UTP25: variants seen among roughly 807,000 people sequenced by gnomAD.
The protein encoded by UTP25 is U3 small nucleolar RNA-associated protein 25 homolog.
UTP25 carries 50 observed loss-of-function variants against 78.9 expected under a neutral mutation model. The observed-to-expected ratio is 0.63, with a 90% confidence interval of 0.50 to 0.80. The LOEUF is 0.80. Ranked by LOEUF, UTP25 falls within the 30% of genes least tolerant of loss-of-function variation. The pLI is 0.00. For synonymous variants in UTP25, 329 were observed against 336.5 expected (o/e 0.98, Z 0.24); for missense variants, 846 against 911.3 (o/e 0.93, Z 0.92).
At chr1:209,831,772 A>T (rs1453713805) in intron 3 of UTP25, among the ~76,000 whole-genome samples, 1 of 152,156 alleles carries the variant, frequency 6.6e-6, no homozygotes, top group East Asian at 1.9e-4. Context: ...GTCACTGTAG[A>T]TTAGTTTTGC....
chr1:209,834,332 T>A (rs2078120093), intron 4 of UTP25, among the ~76,000 whole-genome samples: 1 of 152,244 alleles, frequency 6.6e-6, no homozygotes, highest in South Asian at 2.1e-4. Context: ...AACTTTGTTC[T>A]GTTTCTTATG....
Position 209,828,049 on chromosome 1 carries a change from CTT to C in UTP25, c.-14_-13del, listed in dbSNP as rs772153986. 2 of 1,610,832 alleles carry C rather than the reference CTT, an allele frequency of 1.2e-6. No individual in the cohort carries two copies. Among genetic ancestry groups the C allele is most frequent in the East Asian group, 2.2e-5 (1 of 44,850 alleles). ...ACCGCGACTCTTGCAAGTGGGCAAA[CTT>C]GACGTTTTCGCTATGGGCAAACGCG... On this transcript the variant is annotated 5_prime_UTR_variant, in exon 1 of 12. Coordinates refer to ENST00000491415, the MANE Select transcript of UTP25 (RefSeq NM_014388.7).
In UTP25 at chr1:209,851,456, TG is replaced by T. The variant is rs777280968; in HGVS notation, c.*12del. On this transcript the variant is annotated 3_prime_UTR_variant, in exon 12 of 12. Coordinates refer to ENST00000491415, the MANE Select transcript of UTP25 (RefSeq NM_014388.7). Reference sequence around the variant, plus strand: ...TTACTGGAGAAAAATGAAATTTTGTTGGGCAGGAAGTGGTATTTGGCATGAT... The same window carrying T: ...TTACTGGAGAAAAATGAAATTTTGTTGGCAGGAAGTGGTATTTGGCATGAT... 6.3e-7 allele frequency: 1 copy of T among 1,599,392 alleles called. No homozygotes were observed. Among genetic ancestry groups the T allele is most frequent in the South Asian group, 1.1e-5 (1 of 88,880 alleles).
chr1:209,842,816 T>C, intron 10 of UTP25, 121 bp downstream of exon 10: 1 of 685,502 alleles, frequency 1.5e-6, no homozygotes, highest in African/African-American at 1.8e-5. Context: ...GTTGAGATAA[T>C]TGAACTTAAT....
chr1:209,847,714 G>C (rs1388385586), intron 11 of UTP25, among the ~76,000 whole-genome samples: 2 of 152,072 alleles, frequency 1.3e-5, no homozygotes, highest in African/African-American at 4.8e-5. Context: ...TCTCAATTGG[G>C]GAACAATTTT....
At chr1:209,830,042 CA>C in intron 1 of UTP25, 65 bp from the exon 2 acceptor site, 2 of 1,393,374 alleles carry the variant, frequency 1.4e-6, no homozygotes, top group Non-Finnish European at 1.0e-6. Flanking sequence ...TTTAACATCT[CA>C]TTTGACCTTT....
intron 2 of UTP25, 76 bp from the exon 3 acceptor site, chr1:209,830,727 T>C (rs2078098428): frequency 1.3e-6 from 2 of 1,528,154 alleles, no homozygotes; most frequent in Admixed American, 2.1e-5. Flanking sequence ...TGAATAGATG[T>C]TGGCTTGATG....
intron 7 of UTP25, among the ~76,000 whole-genome samples, chr1:209,839,522 A>G (rs2078154355): frequency 6.6e-6 from 1 of 152,212 alleles, no homozygotes; most frequent in Admixed American, 6.5e-5. Flanking sequence ...CTGTCTCTAC[A>G]TAAAGGTGGA....
At position 209,842,605 on chromosome 1, in the gene UTP25, T is replaced by C. The variant is rs759849571; in HGVS notation, c.1691T>C (p.Met564Thr). ...QGQVAVRNVP[M>T]TGSISHVLVQ... Reference sequence around the variant, plus strand: ...CAGGTGGCCGTGAGGAATGTCCCAATGACAGGCTCTATCAGTCATGTCCTG... The same window carrying C: ...CAGGTGGCCGTGAGGAATGTCCCAACGACAGGCTCTATCAGTCATGTCCTG... The change falls in exon 10 of 12, where the codon ATG (methionine) becomes ACG (threonine). Residue 564 changes from methionine (M) to threonine (T), a missense_variant. Transcript: ENST00000491415. 1.7e-5 allele frequency: 27 copies of C among 1,613,804 alleles called. No homozygotes were observed. In the Admixed American group the frequency reaches 4.5e-4, roughly 27 times the overall value.
chr1:209,848,853 C>T (rs183214466), intron 11 of UTP25, among the ~76,000 whole-genome samples: 4 of 152,276 alleles, frequency 2.6e-5, no homozygotes, highest in African/African-American at 4.8e-5. Context: ...TACTTATGTC[C>T]GGCCGCACCC....
In UTP25 at chr1:209,851,192, C is replaced by T. The variant is rs1183330673; in HGVS notation, c.2028-12C>T. 6.2e-7 allele frequency: 1 copy of T among 1,603,512 alleles called. No individual in the cohort carries two copies. Among genetic ancestry groups the T allele is most frequent in the South Asian group, 1.1e-5 (1 of 89,228 alleles). ...TCAAGTTGACATAGCTCTTTCTTTC[C>T]AATTCTGACAGGTATACAATAAAAG... is the stretch of plus-strand genomic sequence containing the variant. On this transcript the variant is annotated splice_polypyrimidine_tract_variant and intron_variant, in intron 11 of 11. Coordinates refer to ENST00000491415, the MANE Select transcript of UTP25 (RefSeq NM_014388.7).
chr1:209,838,495 G>A lies in UTP25; in HGVS notation c.1063-414G>A, dbSNP rs142226179. On this transcript the variant is annotated intron_variant, in intron 6 of 11. Coordinates refer to ENST00000491415, the MANE Select transcript of UTP25 (RefSeq NM_014388.7). Reference sequence around the variant, plus strand: ...CTCTACTTGTTCCATTTATTTATTCGACATGTATTTATTCACTGTGTCTTT... The same window carrying A: ...CTCTACTTGTTCCATTTATTTATTCAACATGTATTTATTCACTGTGTCTTT... Among the ~76,000 whole-genome samples, 763 of 151,830 alleles carry A rather than the reference G, an allele frequency of 5.0e-3. 7 individuals carry two copies. Among genetic ancestry groups the A allele is most frequent in the African/African-American group, 0.018 (727 of 41,368 alleles).
At position 209,841,001 on chromosome 1, in the gene UTP25, T is replaced by G; in HGVS notation, c.1431T>G (p.Leu477=). The G allele has an allele frequency of 6.2e-7, 1 of 1,614,096 alleles. No homozygotes were observed. The highest frequency in any genetic ancestry group is 8.5e-7 in the Non-Finnish European group (1 of 1,179,958). Residue 477 remains leucine (L), a synonymous_variant, in exon 8 of 12, where the codon CTT becomes CTG. Transcript: ENST00000491415. ...TTGACTTTCTGTCTTCTATCGAGCT[T>G]CTCATCATTGATCAAGCTGACATTT... is the stretch of plus-strand genomic sequence containing the variant. The part of the protein sequence containing the change: ...RDFDFLSSIE[L]LIIDQADIYL...
Position 209,837,165 on chromosome 1 carries a change from T to A in UTP25, c.1016T>A (p.Val339Glu). The change falls in exon 6 of 12, where the codon GTG (valine) becomes GAG (glutamate). Residue 339 changes from valine to glutamate, a missense_variant. Val to Glu is a moderately radical substitution (Grantham distance 121, BLOSUM62 -2). Transcript: ENST00000491415. Reference protein sequence around the residue: ...NSRRRSQKFGVGDDDDFRDQG... With the variant: ...NSRRRSQKFGEGDDDDFRDQG... ...AGACGCCGAAGCCAGAAGTTTGGAG[T>A]GGGTGATGATGATGACTTCAGAGAC... 2 of 1,613,390 alleles carry A rather than the reference T, an allele frequency of 1.2e-6. No individual in the cohort carries two copies. Among genetic ancestry groups the A allele is most frequent in the Non-Finnish European group, 1.7e-6 (2 of 1,179,890 alleles).
chr1:209,838,876 A>G (rs757281285), intron 6 of UTP25, 33 bp from the exon 7 acceptor site: 2 of 1,607,866 alleles, frequency 1.2e-6, no homozygotes, highest in Non-Finnish European at 1.7e-6. Flanking sequence ...CCTTCCTCTT[A>G]CCCCACTAAG....
intron 1 of UTP25, among the ~76,000 whole-genome samples, chr1:209,828,431 G>T (rs1279979596): frequency 7.1e-6 from 1 of 140,940 alleles, no homozygotes; most frequent in Non-Finnish European, 1.5e-5. Flanking sequence ...ACGGTGTTTC[G>T]CTCTGTCGCC....
In UTP25 at chr1:209,851,412, A is replaced by C; in HGVS notation, c.2236A>C (p.Lys746Gln). Reference sequence around the variant, plus strand: ...GGCGGCACAGATGCTACAGTCCAACAAGAATGTCCACCTCTTCATTACTGG... The same window carrying C: ...GGCGGCACAGATGCTACAGTCCAACCAGAATGTCCACCTCTTCATTACTGG... ...ERAAQMLQSNKNVHLFITGEK is the reference protein window; with the variant it reads ...ERAAQMLQSNQNVHLFITGEK Residue 746 changes from lysine (K) to glutamine (Q), a missense_variant, in exon 12 of 12, where the codon AAG (lysine) becomes CAG (glutamine). Physicochemically the swap from Lys to Gln is moderately conservative, Grantham distance 53 (BLOSUM62 1). Transcript: ENST00000491415. 3 of 1,611,964 alleles carry C rather than the reference A, an allele frequency of 1.9e-6. No homozygotes were observed. The highest frequency in any genetic ancestry group is 2.5e-6 in the Non-Finnish European group (3 of 1,179,460).
rs138648804 is a variant in UTP25, at chr1:209,843,489, G to A, written c.1820G>A (p.Arg607His). 347 of 1,614,086 alleles carry A rather than the reference G, an allele frequency of 2.1e-4. 7 individuals are homozygous for A. The highest frequency in any genetic ancestry group is 1.4e-3 in the South Asian group (125 of 91,082). ...GTGAACAAGATTTTGCCACAGTATC[G>A]TGATGCAGTCATGTCTCACACGCTC... ...FFVNKILPQY[R>H]DAVMSHTLIY... Residue 607 changes from arginine (R) to histidine (H), a missense_variant, in exon 11 of 12, where the codon CGT (arginine) becomes CAT (histidine). Physicochemically the swap from Arg to His is conservative, Grantham distance 29 (BLOSUM62 0). Transcript: ENST00000491415.
Position 209,833,241 on chromosome 1 carries a change from A to G in UTP25, c.445A>G (p.Thr149Ala). Residue 149 changes from threonine to alanine, a missense_variant, in exon 4 of 12, where the codon ACA (threonine) becomes GCA (alanine). Coordinates refer to ENST00000491415, the MANE Select transcript of UTP25 (RefSeq NM_014388.7). Reference sequence around the variant, plus strand: ...AGAAGATGGGGAAGAGCCACCGGGCACATCACAAACATCCCCCGAAGAGTT... The same window carrying G: ...AGAAGATGGGGAAGAGCCACCGGGCGCATCACAAACATCCCCCGAAGAGTT... Reference protein sequence around the residue: ...GKEDGEEPPGTSQTSPEEFTD... With the variant: ...GKEDGEEPPGASQTSPEEFTD... 1 of 1,614,056 alleles carries G rather than the reference A, an allele frequency of 6.2e-7. No homozygotes were observed. Among genetic ancestry groups the G allele is most frequent in the Non-Finnish European group, 8.5e-7 (1 of 1,179,976 alleles).
Sources: gnomAD v4.1 joint callset for allele counts (sites outside exome capture counted in the v4.1 genomes callset) on GRCh38, gnomAD v4.1.1 for gene constraint, MANE v1.5 for transcripts, NCBI Gene and HGNC (gene_info 2026-07-23, HGNC 2026-07-21) for gene names.